SYPL1: variants seen among roughly 807,000 people sequenced by gnomAD.
The protein encoded by SYPL1 is synaptophysin like 1, also known as synaptophysin-like protein 1.
SYPL1 carries 6 observed loss-of-function variants against 23.7 expected under a neutral mutation model. That is an observed-to-expected ratio of 0.25 (90% CI 0.14 to 0.50). SYPL1 has a LOEUF of 0.50. SYPL1 is among the 20% of genes least tolerant of loss of function. The probability of loss-of-function intolerance (pLI) is 0.98; values close to 1 mark genes in which losing one functional copy is unlikely to be tolerated. For synonymous variants in SYPL1, 102 were observed against 104.5 expected, an observed-to-expected ratio of 0.98 and a Z score of 0.15; for missense variants, 253 against 288.9, an observed-to-expected ratio of 0.88 and a Z score of 0.90.
At chr7:106,101,777 TAA>T (rs368949331) in intron 1 of SYPL1, among the ~76,000 whole-genome samples, 8 of 133,366 alleles carry the variant, frequency 6.0e-5, no homozygotes, top group Non-Finnish European at 6.4e-5. Flanking sequence ...ACGTTTAAAT[TAA>T]AAAAAAAAAA....
intron 2 of SYPL1, among the ~76,000 whole-genome samples, chr7:106,098,587 T>C (rs957796711): frequency 3.3e-5 from 5 of 152,216 alleles, no homozygotes; most frequent in Admixed American, 6.5e-5. Flanking sequence ...ATTCCCACCC[T>C]GGCTTAAACA....
chr7:106,099,122 A>G, intron 2 of SYPL1, 36 bp downstream of exon 2: 1 of 1,581,930 alleles, frequency 6.3e-7, no homozygotes. Context: ...TGAAAGTAAA[A>G]AGAGTTGTGA....
intron 3 of SYPL1, among the ~76,000 whole-genome samples, chr7:106,094,684 CG>C (rs1398667367): frequency 6.6e-6 from 1 of 152,116 alleles, no homozygotes; most frequent in Non-Finnish European, 1.5e-5. Flanking sequence ...GAGGTTATAT[CG>C]CATGTTAAAT....
chr7:106,094,169 A>T (rs1839899745), intron 3 of SYPL1, among the ~76,000 whole-genome samples: 1 of 152,214 alleles, frequency 6.6e-6, no homozygotes, highest in Non-Finnish European at 1.5e-5. Flanking sequence ...CTTATCACAG[A>T]AGCATTTTGT....
rs1305604422 is a variant in SYPL1 at position 106,112,230 on chromosome 7, G to C, written c.-22C>G. ...ACATCCTCTGAGGAAAGGAGGGAGA[G>C]AGAGTCAGGACGACGGGGCGGAGGA... is the stretch of plus-strand genomic sequence containing the variant. On this transcript the variant is annotated 5_prime_UTR_variant, in exon 1 of 5. Transcript: ENST00000455385. The C allele has an allele frequency of 2.0e-6, 3 of 1,531,858 alleles. No homozygotes were observed. The highest frequency in any genetic ancestry group is 2.6e-5 in the East Asian group (1 of 38,904). 94.9% of individuals were successfully genotyped at this position (1,531,858 alleles called of 1,614,324 possible). A position where few individuals can be genotyped will look rare whatever the true frequency, so the allele number is the denominator to read the frequency against.
intron 2 of SYPL1, among the ~76,000 whole-genome samples, chr7:106,098,166 A>G (rs1253288875): frequency 6.6e-6 from 1 of 152,246 alleles, no homozygotes; most frequent in African/African-American, 2.4e-5. Flanking sequence ...GCAGTAAACA[A>G]TTAGGTAGGA....
chr7:106,096,000 A>G lies in SYPL1; in HGVS notation c.402+1690T>C, dbSNP rs557838649. On this transcript the variant is annotated intron_variant, in intron 3 of 4. Coordinates refer to ENST00000455385, the MANE Select transcript of SYPL1 (RefSeq NM_182715.4). This position sits in a 1 kb window ranked among gnomAD's most constrained non-coding sequence, Gnocchi z 4.3. Reference sequence around the variant, plus strand: ...GCACACTGATAGATTTAGTAAAAAAATTTGTTGGGATGACAAAATGGCAAG... The same window carrying G: ...GCACACTGATAGATTTAGTAAAAAAGTTTGTTGGGATGACAAAATGGCAAG... Among the ~76,000 whole-genome samples the G allele has an allele frequency of 2.0e-5, 3 of 152,328 alleles. No individual in the cohort carries two copies. In the East Asian group the frequency reaches 5.8e-4, roughly 29 times the overall value.
chr7:106,107,480 C>T (rs1840662839), intron 1 of SYPL1, among the ~76,000 whole-genome samples: 1 of 152,200 alleles, frequency 6.6e-6, no homozygotes, highest in African/African-American at 2.4e-5. Context: ...GTGGCTCACG[C>T]CTGTAATCCC....
chr7:106,108,692 T>C (rs1840747467), intron 1 of SYPL1, among the ~76,000 whole-genome samples: 2 of 152,214 alleles, frequency 1.3e-5, no homozygotes, highest in Non-Finnish European at 2.9e-5. Flanking sequence ...ATCCAGATAG[T>C]TGGTTGAGCT....
intron 1 of SYPL1, among the ~76,000 whole-genome samples, chr7:106,103,049 A>G (rs1840409317): frequency 6.6e-6 from 1 of 152,238 alleles, no homozygotes; most frequent in Admixed American, 6.5e-5. Context: ...TTTATAATAA[A>G]CATAATGTCA....
At chr7:106,108,271 G>A (rs1840717598) in intron 1 of SYPL1, among the ~76,000 whole-genome samples, 2 of 152,114 alleles carry the variant, frequency 1.3e-5, no homozygotes, top group Non-Finnish European at 2.9e-5. Context: ...GTCTTCTGGA[G>A]TGAATCAATA....
chr7:106,094,786 T>C (rs1839933853), intron 3 of SYPL1, among the ~76,000 whole-genome samples: 1 of 152,182 alleles, frequency 6.6e-6, no homozygotes, highest in Non-Finnish European at 1.5e-5. Flanking sequence ...AAAGTCTTTT[T>C]TTTTCGTAGT....
chr7:106,108,067 C>T (rs879842116), intron 1 of SYPL1, among the ~76,000 whole-genome samples: 60 of 151,878 alleles, frequency 4.0e-4, no homozygotes, highest in Admixed American at 2.9e-3. Context: ...TAGTGGCGAG[C>T]GCCTGTAATC....
Position 106,097,925 on chromosome 7 carries a change from GA to G in SYPL1, c.195-29del. On this transcript the variant is annotated intron_variant, in intron 2 of 4. Coordinates refer to ENST00000455385, the MANE Select transcript of SYPL1 (RefSeq NM_182715.4). The surrounding 1 kb of genome is among the most constrained non-coding windows in gnomAD (Gnocchi z 4.6). Reference sequence around the variant, plus strand: ...ATTAAAATAAATGTATGAATTATTGGACTTTCCCAACAGAGACAGAAACATT... The same window carrying G: ...ATTAAAATAAATGTATGAATTATTGGCTTTCCCAACAGAGACAGAAACATT... 6.4e-7 allele frequency: 1 copy of G among 1,568,850 alleles called. No homozygotes were observed. The highest frequency in any genetic ancestry group is 8.7e-7 in the Non-Finnish European group (1 of 1,146,706).
rs1170644390 is a variant in SYPL1 at position 106,106,645 on chromosome 7, G to T, written c.69+5495C>A. On this transcript the variant is annotated intron_variant, in intron 1 of 4. Coordinates refer to ENST00000455385, the MANE Select transcript of SYPL1 (RefSeq NM_182715.4). ...TGATCGTTTGAGCCCAGGGGTTCGA[G>T]ACTGGCCTGGGTGACATGGTGGGAC... Among the ~76,000 whole-genome samples the T allele has an allele frequency of 2.0e-5, 3 of 152,070 alleles. No homozygotes were observed. In the East Asian group the frequency reaches 5.8e-4, roughly 29 times the overall value.
At chr7:106,102,484 A>G (rs1274974827) in intron 1 of SYPL1, among the ~76,000 whole-genome samples, 1 of 152,218 alleles carries the variant, frequency 6.6e-6, no homozygotes, top group Non-Finnish European at 1.5e-5. Flanking sequence ...GAGGATACTC[A>G]GGCAACTTTT....
In SYPL1 at chr7:106,112,217, G is replaced by A; in HGVS notation, c.-9C>T. On this transcript the variant is annotated 5_prime_UTR_variant, in exon 1 of 5. Coordinates refer to ENST00000455385, the MANE Select transcript of SYPL1 (RefSeq NM_182715.4). ...ATCTGGAAGCCGGACATCCTCTGAG[G>A]AAAGGAGGGAGAGAGAGTCAGGACG... 5 of 1,540,738 alleles carry A rather than the reference G, an allele frequency of 3.2e-6. No homozygotes were observed. Among genetic ancestry groups the A allele is most frequent in the South Asian group, 1.2e-5 (1 of 84,906 alleles).
chr7:106,111,220 T>G (rs1338124808), intron 1 of SYPL1, among the ~76,000 whole-genome samples: 3 of 152,170 alleles, frequency 2.0e-5, no homozygotes, highest in African/African-American at 7.2e-5. Context: ...AACAGGAAAT[T>G]GAAAGTTCTT....
chr7:106,102,916 G>A (rs980405498), intron 1 of SYPL1, among the ~76,000 whole-genome samples: 2 of 152,114 alleles, frequency 1.3e-5, no homozygotes, highest in Middle Eastern at 3.4e-3. Flanking sequence ...CATGAAAAGG[G>A]AGAATTTAAG....
Sources: gnomAD v4.1 joint callset for allele counts (sites outside exome capture counted in the v4.1 genomes callset) on GRCh38, gnomAD v4.1.1 for gene constraint, Gnocchi (gnomAD v3.1) non-coding constraint, MANE v1.5 for transcripts, NCBI Gene and HGNC (gene_info 2026-07-23, HGNC 2026-07-21) for gene names.